Variants in CHST15 observed in about 807,000 individuals in gnomAD.
CHST15 encodes B cell RAG associated protein (GALNAC4S-6ST).
CHST15 carries 30 observed loss-of-function variants against 53.6 expected under a neutral mutation model. The observed-to-expected ratio is 0.56, with a 90% CI of 0.42 to 0.76. CHST15 has a LOEUF of 0.76. Among genes scored for constraint, CHST15 ranks in the 30% least tolerant of loss-of-function variants. The probability of loss-of-function intolerance (pLI) is 0.00; values close to 1 mark genes in which losing one functional copy is unlikely to be tolerated. For synonymous variants in CHST15, 296 were observed against 289.8 expected (o/e 1.02, Z -0.22); for missense variants, 627 against 740.5 (o/e 0.85, Z 1.78).
rs536729597 is a variant in CHST15 at position 124,035,049 on chromosome 10, G to A, written c.1190+3466C>T. ...TAACAGGGACCCTGGCTCTACCCCT[G>A]ATAGGTACCCCGGCTCCACCCCCTA... On this transcript the variant is annotated intron_variant, in intron 5 of 7. Coordinates refer to ENST00000435907, the MANE Select transcript of CHST15 (RefSeq NM_001270764.2). Among the ~76,000 whole-genome samples the A allele has an allele frequency of 3.6e-3, 304 of 85,036 alleles. 5 individuals carry two copies. The highest frequency in any genetic ancestry group is 0.013 in the African/African-American group (279 of 21,746). 55.8% of individuals were successfully genotyped at this position (85,036 alleles called of 152,430 possible). A position where few individuals can be genotyped will look rare whatever the true frequency, so the allele number is the denominator to read the frequency against.
rs2134014684 is a variant in CHST15, at chr10:124,046,294, A to G, written c.-82T>C. ...AGTCTGGATGTCCGCAAGTCGTGCT[A>G]GAAAACCTTAAGAATGCCTTGTGAT... is the stretch of plus-strand genomic sequence containing the variant. On this transcript the variant is annotated 5_prime_UTR_variant, in exon 2 of 8. Transcript: ENST00000435907. The G allele has an allele frequency of 7.3e-7, 1 of 1,360,828 alleles. No homozygotes were observed. Among genetic ancestry groups the G allele is most frequent in the East Asian group, 2.3e-5 (1 of 42,814 alleles). 84.3% of individuals were successfully genotyped at this position (1,360,828 alleles called of 1,614,324 possible).
rs1004812847 is a variant in CHST15, at chr10:124,073,687, A to T, written c.-513+19782T>A. Among the ~76,000 whole-genome samples the T allele has an allele frequency of 5.9e-5, 9 of 152,380 alleles. No individual in the cohort carries two copies. The South Asian group carries it at 1.7e-3, about 28-fold the overall frequency. Reference sequence around the variant, plus strand: ...CAACCATTCGACAGGCGCATGAATGAGCCAATGCAGGCTGGTCCTTGCGCC... The same window carrying T: ...CAACCATTCGACAGGCGCATGAATGTGCCAATGCAGGCTGGTCCTTGCGCC... On this transcript the variant is annotated intron_variant, in intron 1 of 7. Coordinates refer to ENST00000435907, the MANE Select transcript of CHST15 (RefSeq NM_001270764.2).
intron 6 of CHST15, 114 bp from the exon 7 acceptor site, chr10:124,012,594 G>C (rs1393241247): frequency 2.5e-6 from 3 of 1,197,490 alleles, no homozygotes; most frequent in Non-Finnish European, 3.4e-6. Flanking sequence ...TCCTAGCAAA[G>C]TTACTTTCAG....
In CHST15 at chr10:124,089,768, T is replaced by C. The variant is rs183365153; in HGVS notation, c.-513+3701A>G. On this transcript the variant is annotated intron_variant, in intron 1 of 7. Transcript: ENST00000435907. ...GCATCACCACCCTTCTGGGCTCTTA[T>C]GGCAGCTTCTGGACCATTTGTCTGT... Among the ~76,000 whole-genome samples the C allele has an allele frequency of 2.8e-3, 429 of 152,284 alleles. 2 individuals are homozygous for C. Among genetic ancestry groups the C allele is most frequent in the African/African-American group, 9.5e-3 (394 of 41,572 alleles).
At position 124,008,002 on chromosome 10, in the gene CHST15, G is replaced by A. The variant is rs769696125; in HGVS notation, c.*2147C>T. 1 of 1,231,974 alleles carries A rather than the reference G, an allele frequency of 8.1e-7. No homozygotes were observed. The highest frequency in any genetic ancestry group is 3.2e-5 in the East Asian group (1 of 31,716). 76.3% of individuals were successfully genotyped at this position (1,231,974 alleles called of 1,614,324 possible). ...CCCTCTGGAGAGAAAGGCCCCTGGA[G>A]GGAAAAACCATGTCTGGATGGCATT... On this transcript the variant is annotated 3_prime_UTR_variant, in exon 8 of 8. Transcript: ENST00000435907.
intron 5 of CHST15, among the ~76,000 whole-genome samples, chr10:124,032,773 C>A: frequency 6.6e-6 from 1 of 150,740 alleles, no homozygotes; most frequent in South Asian, 2.1e-4. Flanking sequence ...ATGAACCATC[C>A]CATCCACTTG....
chr10:124,007,718 C>T lies in CHST15; in HGVS notation c.*2431G>A, dbSNP rs1247781287. 34 of 1,227,388 alleles carry T rather than the reference C, an allele frequency of 2.8e-5. No homozygotes were observed. In the Admixed American group the frequency reaches 1.4e-3, roughly 49 times the overall value. The allele number at this position is 1,227,388 out of a possible 1,614,324, so 76.0% of individuals were successfully genotyped here. On this transcript the variant is annotated 3_prime_UTR_variant, in exon 8 of 8. Coordinates refer to ENST00000435907, the MANE Select transcript of CHST15 (RefSeq NM_001270764.2). ...TCCACAGGCGTCACTCTTATGGGTC[C>T]ATCTTTAATTATGTTAAATATTAAT...
intron 6 of CHST15, among the ~76,000 whole-genome samples, chr10:124,013,571 T>G (rs1946486481): frequency 6.6e-6 from 1 of 152,234 alleles, no homozygotes; most frequent in Non-Finnish European, 1.5e-5. Context: ...GCCTCCAGTG[T>G]GTTCTGAGAA....
intron 1 of CHST15, among the ~76,000 whole-genome samples, chr10:124,064,700 GTC>G: frequency 7.1e-6 from 1 of 140,260 alleles, no homozygotes; most frequent in African/African-American, 2.7e-5. Flanking sequence ...TTATCTCGCT[GTC>G]TCTGTGTGTC....
intron 1 of CHST15, among the ~76,000 whole-genome samples, chr10:124,068,404 A>C (rs1948813706): frequency 6.6e-6 from 1 of 152,016 alleles, no homozygotes; most frequent in African/African-American, 2.4e-5. Context: ...AGGACAGGGC[A>C]CCTGGGAAGT....
At chr10:124,045,554 C>G (rs1947964485) in intron 2 of CHST15, 113 bp downstream of exon 2, 9 of 1,079,462 alleles carry the variant, frequency 8.3e-6, no homozygotes, top group Non-Finnish European at 1.2e-5. Flanking sequence ...CTTGCTACAT[C>G]TAAGACATTT....
Position 124,008,708 on chromosome 10 carries a change from G to A in CHST15, c.*1441C>T, listed in dbSNP as rs926698197. 8.7e-6 allele frequency: 10 copies of A among 1,146,928 alleles called. No individual in the cohort carries two copies. Among genetic ancestry groups the A allele is most frequent in the African/African-American group, 4.8e-5 (3 of 61,924 alleles). The allele number at this position is 1,146,928 out of a possible 1,614,324, so 71.0% of individuals were successfully genotyped here. A position where few individuals can be genotyped will look rare whatever the true frequency, so the allele number is the denominator to read the frequency against. On this transcript the variant is annotated 3_prime_UTR_variant, in exon 8 of 8. Coordinates refer to ENST00000435907, the MANE Select transcript of CHST15 (RefSeq NM_001270764.2). ...ACATACAAGTTAGAGCTGGGTAGAC[G>A]GGTGCTTGCACTTTCTGGCTTTGGT...
At chr10:124,038,807 C>A in intron 4 of CHST15, 136 bp from the exon 5 acceptor site, 1 of 865,310 alleles carries the variant, frequency 1.2e-6, no homozygotes, top group Non-Finnish European at 1.8e-6. Context: ...TCAGCCTTTG[C>A]GGGCATCTGG....
In CHST15 at chr10:124,030,300, C is replaced by G. The variant is rs755564016; in HGVS notation, c.1190+8215G>C. On this transcript the variant is annotated intron_variant, in intron 5 of 7. Transcript: ENST00000435907. ...AACAGCTCAGTCCTATTAAAGTGAC[C>G]TCGTGCCGCTTCCAGGGCCCATATC... 2.5e-4 allele frequency among the ~76,000 whole-genome samples: 38 copies of G among 152,296 alleles called. No individual in the cohort carries two copies. In the Middle Eastern group the frequency reaches 0.01, roughly 41 times the overall value.
intron 1 of CHST15, among the ~76,000 whole-genome samples, chr10:124,053,046 C>T (rs897416775): frequency 5.9e-5 from 9 of 152,130 alleles, no homozygotes; most frequent in African/African-American, 2.2e-4. Flanking sequence ...AAAAGAGTCT[C>T]TGGCCCATAG....
chr10:124,010,145 G>A lies in CHST15; in HGVS notation c.*4C>T, dbSNP rs1946370740. 6.2e-7 allele frequency: 1 copy of A among 1,612,460 alleles called. No homozygotes were observed. On this transcript the variant is annotated 3_prime_UTR_variant, in exon 8 of 8. Coordinates refer to ENST00000435907, the MANE Select transcript of CHST15 (RefSeq NM_001270764.2). ...GCCCAGCACGTGCAGCAACAATTCA[G>A]CTCTCACGTCGTCTTCCACGCAAAC... is the stretch of plus-strand genomic sequence containing the variant.
chr10:124,011,043 AG>A, intron 7 of CHST15: 1 of 981,192 alleles, frequency 1.0e-6, no homozygotes, highest in Non-Finnish European at 1.2e-6. Flanking sequence ...CGCCCTCTGG[AG>A]TGAGGAGAGG....
rs539523803 is a variant in CHST15 at position 124,040,963 on chromosome 10, T to G, written c.1033+1338A>C. 2.2e-4 allele frequency among the ~76,000 whole-genome samples: 33 copies of G among 152,360 alleles called. No individual in the cohort carries two copies. In the Middle Eastern group the frequency reaches 0.014, roughly 63 times the overall value. The stretch of plus-strand genomic sequence containing the variant: ...CGGAGAATACATATTTTCATCTCTT[T>G]CATAAGAACATGTGATTTTCCCAGA... On this transcript the variant is annotated intron_variant, in intron 4 of 7. Transcript: ENST00000435907.
At position 124,012,567 on chromosome 10, in the gene CHST15, G is replaced by A. The variant is rs1946450222; in HGVS notation, c.1348-87C>T. The A allele has an allele frequency of 8.6e-6, 12 of 1,401,580 alleles. No individual in the cohort carries two copies. The South Asian group carries it at 1.5e-4, about 18-fold the overall frequency. 86.8% of individuals were successfully genotyped at this position (1,401,580 alleles called of 1,614,324 possible). On this transcript the variant is annotated intron_variant, in intron 6 of 7. Transcript: ENST00000435907. ...TTCCAAAGTGGTATGGCATTTCACT[G>A]TACCACAAAAGAGTTATCCTAGCAA...
Sources: allele counts gnomAD v4.1 joint callset (sites outside exome capture counted in the v4.1 genomes callset), GRCh38; gene constraint gnomAD v4.1.1; transcripts MANE v1.5; gene names NCBI Gene and HGNC (gene_info 2026-07-23, HGNC 2026-07-21).